SGSM1: variants seen among roughly 807,000 people sequenced by gnomAD.
SGSM1 encodes the protein small G protein signaling modulator 1.
Under a neutral mutation model 133.8 loss-of-function variants are expected in SGSM1, and 73 were observed. The observed-to-expected ratio is 0.55, with a 90% CI of 0.45 to 0.66. SGSM1 has a LOEUF of 0.66. Among genes scored for constraint, SGSM1 ranks in the 30% least tolerant of loss-of-function variants. The pLI is 0.00. For missense variants in SGSM1, 1,213 were observed against 1,448.1 expected (o/e 0.84, Z 2.64); for synonymous variants, 563 against 573.0 (o/e 0.98, Z 0.25).
intron 13 of SGSM1, among the ~76,000 whole-genome samples, chr22:24,877,108 C>T (rs951163632): frequency 3.3e-5 from 5 of 152,138 alleles, no homozygotes; most frequent in South Asian, 2.1e-4. Context: ...TTGGAACCTA[C>T]GATAAAAAGG....
At chr22:24,918,226 C>T (rs1997886) in intron 23 of SGSM1, among the ~76,000 whole-genome samples, 45,155 of 151,858 alleles carry the variant, frequency 0.3, 7,477 homozygotes, top group African/African-American at 0.43. Context: ...TGACATGGGC[C>T]GGGTGCAGTG....
At chr22:24,807,814 A>G (rs1337105884) in intron 2 of SGSM1, among the ~76,000 whole-genome samples, 1 of 151,724 alleles carries the variant, frequency 6.6e-6, no homozygotes, top group Non-Finnish European at 1.5e-5. Context: ...AGTGGCAGAC[A>G]GCCACCAAGG....
chr22:24,880,103 G>A (rs114875210), intron 14 of SGSM1, among the ~76,000 whole-genome samples: 1,763 of 152,048 alleles, frequency 0.012, 18 homozygotes, highest in African/African-American at 0.04. Context: ...ACCTTGGCAT[G>A]TCTGACTCCA....
At chr22:24,853,381 A>T (rs1930589879) in intron 5 of SGSM1, among the ~76,000 whole-genome samples, 1 of 152,230 alleles carries the variant, frequency 6.6e-6, no homozygotes, top group African/African-American at 2.4e-5. Flanking sequence ...CAATCCTGAA[A>T]TTGTTTCTAG....
At position 24,904,631 on chromosome 22, in the gene SGSM1, G is replaced by A. The variant is rs544317908; in HGVS notation, c.2736-474G>A. On this transcript the variant is annotated intron_variant, in intron 20 of 24. Transcript: ENST00000400358. ...TGGGTTGAGTATACAGTAAGAGCTC[G>A]ATAAATATAAGCTGTTATTAGTAAG... Among the ~76,000 whole-genome samples the A allele has an allele frequency of 5.3e-5, 8 of 151,942 alleles. No homozygotes were observed. The South Asian group carries it at 8.3e-4, about 16-fold the overall frequency.
At position 24,855,533 on chromosome 22, in the gene SGSM1, C is replaced by T. The variant is rs117667552; in HGVS notation, c.670-16C>T. On this transcript the variant is annotated splice_polypyrimidine_tract_variant and intron_variant, in intron 7 of 24. Coordinates refer to ENST00000400358, the MANE Select transcript of SGSM1 (RefSeq NM_001098497.3). The stretch of plus-strand genomic sequence containing the variant: ...CCCCAGGCCTCATCCCTCTGTCTCC[C>T]GTCACTCTCTACCAGATCCAGAAGA... 79,152 of 1,613,664 alleles carry T rather than the reference C, an allele frequency of 0.049. 2,534 individuals carry two copies. Among genetic ancestry groups the T allele is most frequent in the Middle Eastern group, 0.094 (569 of 6,062 alleles).
At chr22:24,884,666 C>T (rs1436828631) in intron 15 of SGSM1, among the ~76,000 whole-genome samples, 1 of 152,172 alleles carries the variant, frequency 6.6e-6, no homozygotes. Flanking sequence ...CTTTTAATAT[C>T]GGAATGTGAA....
chr22:24,808,980 A>C (rs908373938), intron 2 of SGSM1, among the ~76,000 whole-genome samples: 1 of 152,232 alleles, frequency 6.6e-6, no homozygotes, highest in Non-Finnish European at 1.5e-5. Context: ...ATGTGTGGGC[A>C]GTACAGTTTC....
rs1434500369 is a variant in SGSM1 at position 24,926,540 on chromosome 22, C to G, written c.*2266C>G. 3.3e-5 allele frequency: 5 copies of G among 152,130 alleles called. No individual in the cohort carries two copies. Among genetic ancestry groups the G allele is most frequent in the East Asian group, 3.8e-4 (2 of 5,198 alleles). 9.4% of individuals were successfully genotyped at this position (152,130 alleles called of 1,614,324 possible). A position where few individuals can be genotyped will look rare whatever the true frequency, so the allele number is the denominator to read the frequency against. On this transcript the variant is annotated 3_prime_UTR_variant, in exon 25 of 25. Coordinates refer to ENST00000400358, the MANE Select transcript of SGSM1 (RefSeq NM_001098497.3). ...ACCCAGGTCCTAGACCTTCTGATTC[C>G]TATTTATTTTTTTAACAGACTAGTC...
chr22:24,843,005 G>A (rs571191387), intron 2 of SGSM1, among the ~76,000 whole-genome samples: 39 of 152,086 alleles, frequency 2.6e-4, no homozygotes, highest in Non-Finnish European at 4.9e-4. Flanking sequence ...GAGGAGCCAA[G>A]GTACAGCAGC....
chr22:24,860,948 T>A (rs1299842049), intron 9 of SGSM1, among the ~76,000 whole-genome samples: 3 of 127,986 alleles, frequency 2.3e-5, no homozygotes, highest in Non-Finnish European at 3.3e-5. Flanking sequence ...TATATATATA[T>A]AATTTTGAAG....
At chr22:24,890,810 G>A (rs1223971369) in intron 16 of SGSM1, among the ~76,000 whole-genome samples, 2 of 152,290 alleles carry the variant, frequency 1.3e-5, no homozygotes, top group South Asian at 4.2e-4. Context: ...CCAAAGTCCT[G>A]GGATTACAGG....
intron 2 of SGSM1, among the ~76,000 whole-genome samples, chr22:24,820,151 A>C (rs1294388779): frequency 6.6e-6 from 1 of 152,084 alleles, no homozygotes; most frequent in East Asian, 1.9e-4. Context: ...GAGTGTCTTC[A>C]CAGCTCCATC....
chr22:24,820,791 G>A (rs187228235), intron 2 of SGSM1, among the ~76,000 whole-genome samples: 31 of 152,320 alleles, frequency 2.0e-4, no homozygotes, highest in African/African-American at 6.5e-4. Context: ...TGGGCATGGC[G>A]GAGACAACAG....
At chr22:24,822,561 C>T (rs1326923677) in intron 2 of SGSM1, among the ~76,000 whole-genome samples, 1 of 152,210 alleles carries the variant, frequency 6.6e-6, no homozygotes, top group Admixed American at 6.5e-5. Flanking sequence ...TTTATCACCA[C>T]GATTCCTCTT....
At chr22:24,881,585 ACAAAAC>A (rs1158553101) in intron 14 of SGSM1, among the ~76,000 whole-genome samples, 4 of 152,088 alleles carry the variant, frequency 2.6e-5, no homozygotes, top group East Asian at 3.9e-4. Context: ...ACAAAACAAA[ACAAAAC>A]AAAAAAAACC....
At chr22:24,864,015 A>G (rs1931309870) in intron 9 of SGSM1, among the ~76,000 whole-genome samples, 1 of 152,138 alleles carries the variant, frequency 6.6e-6, no homozygotes, top group Non-Finnish European at 1.5e-5. Context: ...TGTTGGGATT[A>G]CAGGCATGAG....
intron 9 of SGSM1, among the ~76,000 whole-genome samples, chr22:24,865,415 T>G (rs1013353489): frequency 6.6e-5 from 10 of 152,116 alleles, no homozygotes; most frequent in Non-Finnish European, 4.4e-5. Context: ...GACATTTACT[T>G]CCGTGAAGTC....
chr22:24,915,097 CG>C (rs1933776044), intron 22 of SGSM1, among the ~76,000 whole-genome samples: 1 of 152,068 alleles, frequency 6.6e-6, no homozygotes, highest in Middle Eastern at 3.2e-3. Flanking sequence ...GGCGCGGTGG[CG>C]GGCGCCTGTA....
Sources: allele counts gnomAD v4.1 joint callset (sites outside exome capture counted in the v4.1 genomes callset), GRCh38; gene constraint gnomAD v4.1.1; transcripts MANE v1.5; gene names NCBI Gene and HGNC (gene_info 2026-07-23, HGNC 2026-07-21).